Variants in EPB41L4A observed in about 807,000 individuals in gnomAD.
EPB41L4A encodes band 4.1-like protein 4A.
A neutral mutation model predicts 108.6 loss-of-function variants in EPB41L4A; 100 were observed. That is an observed-to-expected ratio of 0.92 (90% CI 0.78 to 1.09). The LOEUF is 1.09. EPB41L4A is among the 50% of genes least tolerant of loss of function. The pLI, the probability that EPB41L4A is intolerant of heterozygous loss-of-function variation, is 0.00. For synonymous variants in EPB41L4A, 319 were observed against 289.0 expected (o/e 1.10, Z -1.05); for missense variants, 1,030 against 842.7 (o/e 1.22, Z -2.75).
intron 12 of EPB41L4A, among the ~76,000 whole-genome samples, chr5:112,226,994 A>G (rs1409215833): frequency 6.6e-6 from 1 of 151,716 alleles, no homozygotes; most frequent in Non-Finnish European, 1.5e-5. Context: ...AAAAAAAAAA[A>G]AGGCTTGGAC....
intron 18 of EPB41L4A, among the ~76,000 whole-genome samples, chr5:112,175,799 T>C (rs559880730): frequency 2.5e-4 from 38 of 152,218 alleles, no homozygotes; most frequent in Non-Finnish European, 4.7e-4. Flanking sequence ...CCTAGCCATG[T>C]TTCCACTTTT....
intron 9 of EPB41L4A, among the ~76,000 whole-genome samples, chr5:112,246,841 C>G (rs1750268240): frequency 6.6e-6 from 1 of 152,016 alleles, no homozygotes; most frequent in Non-Finnish European, 1.5e-5. Context: ...TTTTTCCCTA[C>G]CCCCCTCTTA....
Position 112,259,956 on chromosome 5 carries a change from G to C in EPB41L4A, c.666C>G (p.Phe222Leu). The change falls in exon 8 of 23, where the codon TTC becomes TTG. Residue 222 changes from phenylalanine to leucine, a missense_variant. Physicochemically the swap from Phe to Leu is conservative, Grantham distance 22. Transcript: ENST00000261486. ...CAACACCAACCGGAGTTAATCCTAA[G>C]AAATACTCAGACTTGTTTTCTCCCT... ...PVYGENKSEY[F>L]LGLTPVGVVV... 1 of 1,613,886 alleles carries C rather than the reference G, an allele frequency of 6.2e-7. No individual in the cohort carries two copies. The highest frequency in any genetic ancestry group is 1.1e-5 in the South Asian group (1 of 91,068).
rs1472050546 is a variant in EPB41L4A, at chr5:112,194,608, A to T, written c.1462T>A (p.Ser488Thr). ...SRCNTSSGSE[S>T]ENSNREYRKK... ...CGGTATTCTCTATTAGAATTTTCTGATTCACTACCACTGCTGGTGTTACAG... is the reference window on the plus strand; with the variant it reads ...CGGTATTCTCTATTAGAATTTTCTGTTTCACTACCACTGCTGGTGTTACAG... The change falls in exon 17 of 23, where the codon TCA becomes ACA. Residue 488 changes from serine to threonine, a missense_variant. Physicochemically the swap from Ser to Thr is moderately conservative, Grantham distance 58 (BLOSUM62 1). Transcript: ENST00000261486. 1 of 1,606,854 alleles carries T rather than the reference A, an allele frequency of 6.2e-7. No homozygotes were observed. Among genetic ancestry groups the T allele is most frequent in the African/African-American group, 1.3e-5 (1 of 74,610 alleles).
At chr5:112,271,274 A>G (rs908476636) in intron 4 of EPB41L4A, among the ~76,000 whole-genome samples, 1 of 152,238 alleles carries the variant, frequency 6.6e-6, no homozygotes, top group Non-Finnish European at 1.5e-5. Context: ...AAGAAGACCT[A>G]TCTCAGGGCT....
chr5:112,390,673 T>C (rs558469690), intron 1 of EPB41L4A, among the ~76,000 whole-genome samples: 30 of 152,302 alleles, frequency 2.0e-4, no homozygotes, highest in Admixed American at 1.0e-3. Flanking sequence ...CATACCTGTC[T>C]GACAGCTCTG....
chr5:112,405,622 T>G (rs1314370446), intron 1 of EPB41L4A, among the ~76,000 whole-genome samples: 1 of 152,174 alleles, frequency 6.6e-6, no homozygotes, highest in Admixed American at 6.5e-5. Flanking sequence ...CCCTAGAATC[T>G]GAAATATTTT....
chr5:112,249,041 CCAAGATACACAGTGTAGGT>C (rs1561509798), intron 9 of EPB41L4A: 1 of 152,066 alleles, frequency 6.6e-6, no homozygotes, highest in Non-Finnish European at 1.5e-5. Flanking sequence ...TAGAAGTAAC[CCAAGATACACAGTGTAGGT>C]CATCACTGAA....
At chr5:112,179,604 A>G (rs1761045089) in intron 18 of EPB41L4A, among the ~76,000 whole-genome samples, 2 of 152,180 alleles carry the variant, frequency 1.3e-5, no homozygotes, top group Non-Finnish European at 2.9e-5. Context: ...GAAAAAGTTT[A>G]TAACAAAACT....
chr5:112,347,557 G>C (rs558038496), intron 1 of EPB41L4A, among the ~76,000 whole-genome samples: 1 of 152,074 alleles, frequency 6.6e-6, no homozygotes, highest in Non-Finnish European at 1.5e-5. Context: ...AAGAACACAC[G>C]GTTGCTGAGT....
intron 12 of EPB41L4A, among the ~76,000 whole-genome samples, chr5:112,213,377 C>A (rs868087028): frequency 1.4e-5 from 2 of 144,712 alleles, no homozygotes; most frequent in Non-Finnish European, 3.0e-5. Flanking sequence ...AAGATAGACT[C>A]TTGCTCTGTC....
intron 12 of EPB41L4A, among the ~76,000 whole-genome samples, chr5:112,214,862 T>TA (rs1182572242): frequency 6.6e-6 from 1 of 152,196 alleles, no homozygotes; most frequent in Non-Finnish European, 1.5e-5. Context: ...TAGATAAAGT[T>TA]AAACAGTTGC....
chr5:112,282,839 TCTC>T (rs1753055200), intron 2 of EPB41L4A, among the ~76,000 whole-genome samples: 1 of 152,198 alleles, frequency 6.6e-6, no homozygotes, highest in Admixed American at 6.5e-5. Flanking sequence ...GTTTTAAATT[TCTC>T]CTCCTATCAT....
intron 13 of EPB41L4A, among the ~76,000 whole-genome samples, chr5:112,205,719 A>G (rs1435966215): frequency 6.6e-6 from 1 of 152,082 alleles, no homozygotes; most frequent in Non-Finnish European, 1.5e-5. Flanking sequence ...CTTTCTTTCT[A>G]GTTTTACTGC....
intron 12 of EPB41L4A, among the ~76,000 whole-genome samples, chr5:112,152,312 A>G (rs987204766): frequency 1.3e-5 from 2 of 152,220 alleles, no homozygotes; most frequent in Non-Finnish European, 2.9e-5. Flanking sequence ...ATTCTAAGTA[A>G]AAGATTATAA....
At chr5:112,301,302 C>T (rs35182061) in intron 2 of EPB41L4A, among the ~76,000 whole-genome samples, 6,913 of 152,214 alleles carry the variant, frequency 0.045, 234 homozygotes, top group Non-Finnish European at 0.066. Flanking sequence ...AGATCTGGAA[C>T]TTAAGGCTGC....
At chr5:112,214,560 G>A (rs1046933025) in intron 12 of EPB41L4A, among the ~76,000 whole-genome samples, 23 of 152,138 alleles carry the variant, frequency 1.5e-4, no homozygotes, top group African/African-American at 2.7e-4. Context: ...TCAGGAGATC[G>A]AGACCATCCT....
At chr5:112,343,439 T>C (rs749071180) in intron 1 of EPB41L4A, among the ~76,000 whole-genome samples, 1 of 152,194 alleles carries the variant, frequency 6.6e-6, no homozygotes, top group Non-Finnish European at 1.5e-5. Flanking sequence ...ATTAACAGCA[T>C]GTACATCACA....
intron 1 of EPB41L4A, among the ~76,000 whole-genome samples, chr5:112,385,574 C>T (rs1760466519): frequency 6.6e-6 from 1 of 151,166 alleles, no homozygotes; most frequent in Non-Finnish European, 1.5e-5. Context: ...TTAAAAAATC[C>T]TTTAACCAGT....
Sources: gnomAD v4.1 joint callset for allele counts (sites outside exome capture counted in the v4.1 genomes callset) on GRCh38, gnomAD v4.1.1 for gene constraint, MANE v1.5 for transcripts, NCBI Gene and HGNC (gene_info 2026-07-23, HGNC 2026-07-21) for gene names.